The following DENND4A variants were observed in gnomAD, a reference collection of about 807,000 sequenced individuals.
DENND4A encodes the protein DENN domain containing 4A, also known as C-myc promoter-binding protein.
Under a neutral mutation model 199.3 loss-of-function variants are expected in DENND4A, and 70 were observed. The observed-to-expected ratio is 0.35, with a 90% CI of 0.29 to 0.43. The LOEUF (loss-of-function observed/expected upper bound fraction) is 0.43, where lower values mean the gene tolerates loss of function less well. DENND4A is among the 20% of genes least tolerant of loss of function. The pLI is 1.00. For missense variants in DENND4A, 1,723 were observed against 2,255.8 expected (o/e 0.76, Z 4.78); for synonymous variants, 686 against 766.9 (o/e 0.89, Z 1.74).
chr15:65,762,180 T>A (rs998540705), intron 1 of DENND4A, among the ~76,000 whole-genome samples: 1 of 152,146 alleles, frequency 6.6e-6, no homozygotes, highest in Non-Finnish European at 1.5e-5. Context: ...GCTAATTTTG[T>A]ATTTTCAGTA....
chr15:65,723,852 A>G (rs1209463323), intron 11 of DENND4A, among the ~76,000 whole-genome samples: 1 of 152,190 alleles, frequency 6.6e-6, no homozygotes, highest in African/African-American at 2.4e-5. Flanking sequence ...TTGGCCACAG[A>G]TAACTGAAAC....
chr15:65,700,081 G>A (rs2074809957), intron 20 of DENND4A, among the ~76,000 whole-genome samples: 1 of 151,860 alleles, frequency 6.6e-6, no homozygotes, highest in Admixed American at 6.6e-5. Context: ...GAGTTCCTTG[G>A]TACAATTCAC....
chr15:65,697,185 C>T, intron 21 of DENND4A, 82 bp downstream of exon 21: 1 of 875,546 alleles, frequency 1.1e-6, no homozygotes, highest in East Asian at 2.6e-5. Context: ...GAAAGTAAAA[C>T]CAGCACTTTT....
intron 2 of DENND4A, among the ~76,000 whole-genome samples, chr15:65,760,181 A>G (rs1220115317): frequency 6.6e-6 from 1 of 152,186 alleles, no homozygotes; most frequent in East Asian, 1.9e-4. Flanking sequence ...CCTTTTTCCT[A>G]GATGCTAACT....
chr15:65,690,400 A>G lies in DENND4A; in HGVS notation c.4179+15T>C, dbSNP rs761085856. 7 of 1,541,734 alleles carry G rather than the reference A, an allele frequency of 4.5e-6. No homozygotes were observed. In the South Asian group the frequency reaches 9.0e-5, roughly 20 times the overall value. ...GTGTGTGACAGTAAAAGTAGCAAAT[A>G]CTAACCAAACTTACCTTAGATGATG... On this transcript the variant is annotated intron_variant, in intron 23 of 32. Transcript: ENST00000443035.
At chr15:65,765,173 G>C (rs2076950709) in intron 1 of DENND4A, among the ~76,000 whole-genome samples, 1 of 152,086 alleles carries the variant, frequency 6.6e-6, no homozygotes, top group Non-Finnish European at 1.5e-5. Flanking sequence ...CACAAAACTG[G>C]CATCACTTAA....
At chr15:65,669,352 T>C (rs947259218) in intron 27 of DENND4A, among the ~76,000 whole-genome samples, 2 of 152,258 alleles carry the variant, frequency 1.3e-5, no homozygotes, top group African/African-American at 4.8e-5. Context: ...TTTAGTTTAA[T>C]TTCGCAGTTC....
intron 15 of DENND4A, among the ~76,000 whole-genome samples, chr15:65,703,413 T>C (rs1183855684): frequency 6.6e-6 from 1 of 152,224 alleles, no homozygotes; most frequent in Non-Finnish European, 1.5e-5. Context: ...GTCATTGCTT[T>C]GGATTAACAT....
chr15:65,717,812 T>G lies in DENND4A; in HGVS notation c.1773A>C (p.Thr591=), dbSNP rs1275436679. Reference sequence around the variant, plus strand: ...CAAAGAGAGAGGCTGCATCTGTGGCTGTCTCAGATGGGGCTTGTGTTATTG... The same window carrying G: ...CAAAGAGAGAGGCTGCATCTGTGGCGGTCTCAGATGGGGCTTGTGTTATTG... ...LRPITQAPSE[T]ATDAASLFAL... Residue 591 remains threonine (T), a synonymous_variant, in exon 13 of 33, where the codon ACA becomes ACC. Transcript: ENST00000443035. 1.2e-5 allele frequency: 19 copies of G among 1,606,478 alleles called. No homozygotes were observed. Among genetic ancestry groups the G allele is most frequent in the Admixed American group, 6.8e-5 (4 of 59,102 alleles).
chr15:65,770,715 G>C (rs1244613951), intron 1 of DENND4A, among the ~76,000 whole-genome samples: 2 of 152,168 alleles, frequency 1.3e-5, no homozygotes, highest in Admixed American at 1.3e-4. Context: ...CCTTGATAAG[G>C]AAAACGTAAA....
chr15:65,698,856 G>C (rs1231090703), intron 20 of DENND4A, among the ~76,000 whole-genome samples: 1 of 145,216 alleles, frequency 6.9e-6, no homozygotes, highest in African/African-American at 2.6e-5. Flanking sequence ...TCGTGCCTAC[G>C]CCTCCCAAGT....
chr15:65,738,846 A>C lies in DENND4A; in HGVS notation c.661T>G (p.Tyr221Asp), dbSNP rs1267218945. The change falls in exon 6 of 33, where the codon TAT (tyrosine) becomes GAT (aspartate). Residue 221 changes from tyrosine (Y) to aspartate (D), a missense_variant. Physicochemically the swap from Tyr to Asp is radical, Grantham distance 160. Transcript: ENST00000443035. ...GATTCCGGTAGTGAGAATGACTCAT[A>C]ATCTTCTTGAGGATATCTACAAATT... ...GLICRYPQEDYESFSLPESVP... is the reference protein window; with the variant it reads ...GLICRYPQEDDESFSLPESVP... The C allele has an allele frequency of 6.2e-7, 1 of 1,604,016 alleles. No individual in the cohort carries two copies.
At chr15:65,699,142 A>C (rs918667767) in intron 20 of DENND4A, among the ~76,000 whole-genome samples, 1 of 152,162 alleles carries the variant, frequency 6.6e-6, no homozygotes, top group Admixed American at 6.5e-5. Context: ...CACACTGCAT[A>C]ATCAAGGAAT....
intron 2 of DENND4A, among the ~76,000 whole-genome samples, chr15:65,758,192 G>A (rs1226585319): frequency 6.6e-6 from 1 of 152,152 alleles, no homozygotes; most frequent in Non-Finnish European, 1.5e-5. Flanking sequence ...AATAATAAAA[G>A]TAGGTAAGAG....
At chr15:65,700,507 T>C (rs548747990) in intron 20 of DENND4A, 37 bp downstream of exon 20, 527 of 1,264,174 alleles carry the variant, frequency 4.2e-4, no homozygotes, top group Non-Finnish European at 5.1e-4. Context: ...GTTTTAAAAA[T>C]GTACTATAAT....
chr15:65,706,426 T>C (rs1207022610), intron 14 of DENND4A, among the ~76,000 whole-genome samples: 1 of 148,550 alleles, frequency 6.7e-6, no homozygotes, highest in East Asian at 2.0e-4. Context: ...TATTACCTTT[T>C]GAATAAGAAA....
At chr15:65,662,018 A>G in intron 32 of DENND4A, 31 bp from the exon 33 acceptor site, 2 of 1,574,484 alleles carry the variant, frequency 1.3e-6, no homozygotes, top group Non-Finnish European at 1.7e-6. Flanking sequence ...ATAAAAGAAT[A>G]AAGAAATTTA....
chr15:65,753,761 A>G (rs1220895920), intron 3 of DENND4A: 1 of 152,088 alleles, frequency 6.6e-6, no homozygotes, highest in East Asian at 1.9e-4. Flanking sequence ...TCATCAATCA[A>G]TATTTCTCAT....
chr15:65,732,836 G>C lies in DENND4A; in HGVS notation c.1041-18C>G. ...AAATATGCCTTGAAAACAAACAAAA[G>C]TGTAAGTGATTCCAAAGTGAACGTC... On this transcript the variant is annotated intron_variant, in intron 7 of 32. Transcript: ENST00000443035. The C allele has an allele frequency of 1.3e-6, 2 of 1,496,566 alleles. No homozygotes were observed. The highest frequency in any genetic ancestry group is 1.2e-5 in the South Asian group (1 of 86,544). The allele number at this position is 1,496,566 out of a possible 1,614,324, so 92.7% of individuals were successfully genotyped here. A position where few individuals can be genotyped will look rare whatever the true frequency, so the allele number is the denominator to read the frequency against.
Sources: allele counts gnomAD v4.1 joint callset (sites outside exome capture counted in the v4.1 genomes callset), GRCh38; gene constraint gnomAD v4.1.1; transcripts MANE v1.5; gene names NCBI Gene and HGNC (gene_info 2026-07-23, HGNC 2026-07-21).